KNDC1: variants seen among roughly 807,000 people sequenced by gnomAD.
KNDC1 encodes the protein kinase non-catalytic C-lobe domain-containing protein 1.
Under a neutral mutation model 172.8 loss-of-function variants are expected in KNDC1, and 106 were observed. The observed-to-expected ratio is 0.61, with a 90% CI of 0.52 to 0.72. The LOEUF (loss-of-function observed/expected upper bound fraction) is 0.72, where lower values mean the gene tolerates loss of function less well. KNDC1 is among the 30% of genes least tolerant of loss of function. KNDC1 has a pLI of 0.00. For synonymous variants in KNDC1, 1,083 were observed against 1,062.2 expected, an observed-to-expected ratio of 1.02 and a Z score of -0.38; for missense variants, 2,325 against 2,394.5, an observed-to-expected ratio of 0.97 and a Z score of 0.61.
chr10:133,212,003 G>A lies in KNDC1; in HGVS notation c.4236+145G>A, dbSNP rs966323579. 19 of 743,880 alleles carry A rather than the reference G, an allele frequency of 2.6e-5. No homozygotes were observed. In the Admixed American group the frequency reaches 3.2e-4, roughly 13 times the overall value. 46.1% of individuals were successfully genotyped at this position (743,880 alleles called of 1,614,324 possible). ...TGTATACATGCATACACATAGACGTGTGCACATACACTTGTGTGCACATAC... is the reference window on the plus strand; with the variant it reads ...TGTATACATGCATACACATAGACGTATGCACATACACTTGTGTGCACATAC... On this transcript the variant is annotated intron_variant, in intron 23 of 29. Coordinates refer to ENST00000304613, the MANE Select transcript of KNDC1 (RefSeq NM_152643.8).
intron 26 of KNDC1, among the ~76,000 whole-genome samples, chr10:133,217,145 G>C (rs1204768269): frequency 6.6e-6 from 1 of 152,256 alleles, no homozygotes; most frequent in African/African-American, 2.4e-5. Context: ...CTCAGAAAAG[G>C]CTACAAAGGT....
chr10:133,179,612 CTTGACCGCGT>C (rs1853656994), intron 3 of KNDC1, among the ~76,000 whole-genome samples: 1 of 152,206 alleles, frequency 6.6e-6, no homozygotes, highest in Non-Finnish European at 1.5e-5. Context: ...AACCACTTGG[CTTGACCGCGT>C]TTGCTCAGGA....
chr10:133,173,511 T>G (rs1280431591), intron 3 of KNDC1, among the ~76,000 whole-genome samples: 1 of 152,126 alleles, frequency 6.6e-6, no homozygotes, highest in Non-Finnish European at 1.5e-5. Context: ...TTATTTCCAC[T>G]GGGATTTCTT....
rs372025115 is a variant in KNDC1, at chr10:133,200,447, G to A, written c.2976G>A (p.Ser992=). Residue 992 remains serine (S), a synonymous_variant, in exon 16 of 30, where the codon TCG becomes TCA. Coordinates refer to ENST00000304613, the MANE Select transcript of KNDC1 (RefSeq NM_152643.8). ...GCTCCCCGTCCAGCAAGAGGCCGTC[G>A]CTGCACCGCCTGGGTAAGTGCTGGG... ...SPRSPSSKRP[S]LHRLGKEKPA... 13 of 1,585,506 alleles carry A rather than the reference G, an allele frequency of 8.2e-6. No individual in the cohort carries two copies. The highest frequency in any genetic ancestry group is 1.4e-5 in the African/African-American group (1 of 73,172).
At position 133,219,024 on chromosome 10, in the gene KNDC1, A is replaced by G. The variant is rs371708294; in HGVS notation, c.4801-7A>G. The G allele has an allele frequency of 6.2e-7, 1 of 1,613,964 alleles. No individual in the cohort carries two copies. Among genetic ancestry groups the G allele is most frequent in the Non-Finnish European group, 8.5e-7 (1 of 1,179,972 alleles). The stretch of plus-strand genomic sequence containing the variant: ...CCGCAGGAGGCTCACCTGTGCTTTC[A>G]TTTCAGGCCTGGAGAATTCTGCCTG... On this transcript the variant is annotated splice_region_variant and splice_polypyrimidine_tract_variant and intron_variant, in intron 27 of 29. Transcript: ENST00000304613.
chr10:133,224,922 C>A lies in KNDC1; in HGVS notation c.*32C>A. On this transcript the variant is annotated 3_prime_UTR_variant, in exon 30 of 30. Coordinates refer to ENST00000304613, the MANE Select transcript of KNDC1 (RefSeq NM_152643.8). This position sits in a 1 kb window ranked among gnomAD's most constrained non-coding sequence, Gnocchi z 5.4. ...TCGGGCCTGGTGTGGAATTCCAGATCCGAATCCGACTGTGGGGGGCGGGCT... is the reference window on the plus strand; with the variant it reads ...TCGGGCCTGGTGTGGAATTCCAGATACGAATCCGACTGTGGGGGGCGGGCT... The A allele has an allele frequency of 1.3e-6, 2 of 1,553,492 alleles. No individual in the cohort carries two copies. The highest frequency in any genetic ancestry group is 1.8e-6 in the Non-Finnish European group (2 of 1,129,066).
chr10:133,196,957 C>T (rs1854208920), intron 10 of KNDC1, 101 bp from the exon 11 acceptor site: 3 of 900,692 alleles, frequency 3.3e-6, no homozygotes, highest in South Asian at 1.4e-5. Context: ...GGAAACCCTC[C>T]TGGCAGCCCT....
Position 133,225,946 on chromosome 10 carries a change from C to T in KNDC1, c.*1056C>T, listed in dbSNP as rs1845710250. ...CCTCTGCAGCTGGGTGACCAGAGCCCCGGGCACGGCCCCAGCTCCGTGGGG... is the reference window on the plus strand; with the variant it reads ...CCTCTGCAGCTGGGTGACCAGAGCCTCGGGCACGGCCCCAGCTCCGTGGGG... On this transcript the variant is annotated 3_prime_UTR_variant, in exon 30 of 30. Coordinates refer to ENST00000304613, the MANE Select transcript of KNDC1 (RefSeq NM_152643.8). The T allele has an allele frequency of 6.6e-6, 1 of 152,296 alleles. No individual in the cohort carries two copies. Among genetic ancestry groups the T allele is most frequent in the Non-Finnish European group, 1.5e-5 (1 of 68,074 alleles). The allele number at this position is 152,296 out of a possible 1,614,324, so 9.4% of individuals were successfully genotyped here.
At position 133,213,680 on chromosome 10, in the gene KNDC1, G is replaced by C. The variant is rs767013118; in HGVS notation, c.4479G>C (p.Leu1493=). The C allele has an allele frequency of 6.2e-7, 1 of 1,614,072 alleles. No individual in the cohort carries two copies. The highest frequency in any genetic ancestry group is 1.1e-5 in the South Asian group (1 of 91,074). Residue 1493 remains leucine, a synonymous_variant, in exon 25 of 30, where the codon CTG becomes CTC. Transcript: ENST00000304613. The part of the protein sequence containing the change: ...LFQKCHPVHF[L]NSRALGVMDK... Reference sequence around the variant, plus strand: ...AAAAGTGCCACCCGGTCCACTTCCTGAACTCACGGGCCCTGGGCGTCATGG... The same window carrying C: ...AAAAGTGCCACCCGGTCCACTTCCTCAACTCACGGGCCCTGGGCGTCATGG...
chr10:133,222,447 G>GGCA (rs1845618852), intron 29 of KNDC1, among the ~76,000 whole-genome samples: 1 of 17,804 alleles, frequency 5.6e-5, no homozygotes, highest in African/African-American at 1.3e-4. Context: ...TCTTCCCGGC[G>GGCA]TGTGTGTGTG....
Position 133,199,617 on chromosome 10 carries a change from C to T in KNDC1, c.2903+15C>T, listed in dbSNP as rs374065707. The T allele has an allele frequency of 8.1e-6, 13 of 1,611,556 alleles. No individual in the cohort carries two copies. Among genetic ancestry groups the T allele is most frequent in the Middle Eastern group, 1.8e-4 (1 of 5,580 alleles). Reference sequence around the variant, plus strand: ...CCCTCCCCAAGGTGGGTGCCCAGTTCGGCCCTGCATTCCCGCCCCTCCCTG... The same window carrying T: ...CCCTCCCCAAGGTGGGTGCCCAGTTTGGCCCTGCATTCCCGCCCCTCCCTG... On this transcript the variant is annotated intron_variant, in intron 15 of 29. Transcript: ENST00000304613.
At position 133,198,468 on chromosome 10, in the gene KNDC1, A is replaced by G. The variant is rs765247461; in HGVS notation, c.2038A>G (p.Ile680Val). Residue 680 changes from isoleucine to valine, a missense_variant, in exon 13 of 30, where the codon ATT becomes GTT. Coordinates refer to ENST00000304613, the MANE Select transcript of KNDC1 (RefSeq NM_152643.8). ...CTCCGAGGCCACGCACTTCAAGCCC[A>G]TTGTCCTCGCGCAGAACGCAAGTGT... ...FTSEATHFKP[I>V]VLAQNASVAR... The G allele has an allele frequency of 7.5e-6, 12 of 1,607,192 alleles. No homozygotes were observed. The highest frequency in any genetic ancestry group is 2.2e-5 in the South Asian group (2 of 89,918).
At position 133,199,227 on chromosome 10, in the gene KNDC1, G is replaced by A. The variant is rs992244122; in HGVS notation, c.2719G>A (p.Asp907Asn). Residue 907 changes from aspartate to asparagine, a missense_variant, in exon 14 of 30, where the codon GAT becomes AAT. Physicochemically the swap from Asp to Asn is conservative, Grantham distance 23. Transcript: ENST00000304613. The part of the protein sequence containing the change: ...TRLIQEEFAF[D>N]GYLDNGLEAL... Reference sequence around the variant, plus strand: ...CCTCATCCAGGAGGAATTTGCCTTCGATGGCTACCTGGACAATGGGCTGGA... The same window carrying A: ...CCTCATCCAGGAGGAATTTGCCTTCAATGGCTACCTGGACAATGGGCTGGA... The A allele has an allele frequency of 1.7e-5, 27 of 1,572,610 alleles. No homozygotes were observed. Among genetic ancestry groups the A allele is most frequent in the African/African-American group, 1.2e-4 (9 of 74,154 alleles).
intron 3 of KNDC1, among the ~76,000 whole-genome samples, chr10:133,181,209 C>T (rs1265173412): frequency 1.3e-5 from 2 of 152,222 alleles, no homozygotes; most frequent in Non-Finnish European, 1.5e-5. Flanking sequence ...AGGGAAGTGT[C>T]GGTCATGACA....
intron 3 of KNDC1, among the ~76,000 whole-genome samples, chr10:133,182,971 CGGTGTG>C (rs1564881698): frequency 1.9e-4 from 27 of 142,474 alleles, no homozygotes; most frequent in Admixed American, 4.2e-4. Flanking sequence ...TGGGCACAGG[CGGTGTG>C]GGCACAGGCG....
intron 3 of KNDC1, among the ~76,000 whole-genome samples, chr10:133,175,742 G>A (rs1020355345): frequency 6.6e-6 from 1 of 151,384 alleles, no homozygotes; most frequent in African/African-American, 2.4e-5. Context: ...GTGAATGGAC[G>A]GATGAGTGTA....
chr10:133,214,292 C>T (rs576211208), intron 26 of KNDC1, among the ~76,000 whole-genome samples, 170 bp downstream of exon 26: 10 of 152,324 alleles, frequency 6.6e-5, no homozygotes, highest in African/African-American at 2.4e-4. Flanking sequence ...AGGGCACAGG[C>T]TTCACTACAT....
At chr10:133,219,904 C>T in intron 28 of KNDC1, 51 bp from the exon 29 acceptor site, 1 of 1,525,204 alleles carries the variant, frequency 6.6e-7, no homozygotes, top group Non-Finnish European at 8.8e-7. Flanking sequence ...GAGGCTCCTG[C>T]ACTGACCACG....
chr10:133,220,143 A>G (rs1226068565), intron 29 of KNDC1, 31 bp downstream of exon 29: 11 of 1,500,166 alleles, frequency 7.3e-6, no homozygotes, highest in Admixed American at 2.0e-5. Context: ...CCGCGCGCCC[A>G]GGAGAGGAGG....
Sources: gnomAD v4.1 joint callset for allele counts (sites outside exome capture counted in the v4.1 genomes callset) on GRCh38, gnomAD v4.1.1 for gene constraint, Gnocchi (gnomAD v3.1) non-coding constraint, MANE v1.5 for transcripts, NCBI Gene and HGNC (gene_info 2026-07-23, HGNC 2026-07-21) for gene names.